Variants in B3GNT3 observed in about 807,000 individuals in gnomAD.
The protein encoded by B3GNT3 is N-acetyllactosaminide beta-1,3-N-acetylglucosaminyltransferase 3.
B3GNT3 carries 7 observed loss-of-function variants against 11.6 expected under a neutral mutation model. The observed-to-expected ratio is 0.60, with a 90% CI of 0.34 to 1.13. The LOEUF is 1.13. Ranked by LOEUF, B3GNT3 falls within the 50% of genes most tolerant of loss-of-function variation. B3GNT3 has a pLI of 0.03. For missense variants in B3GNT3, 400 were observed against 507.4 expected (o/e 0.79, Z 2.03); for synonymous variants, 201 against 222.1 (o/e 0.90, Z 0.85).
intron 1 of B3GNT3, among the ~76,000 whole-genome samples, chr19:17,805,106 AT>A (rs60752281): frequency 0.047 from 6,239 of 131,900 alleles, 408 homozygotes; most frequent in African/African-American, 0.16. Context: ...GACCACAGGG[AT>A]TTTTTTTTTT....
intron 1 of B3GNT3, among the ~76,000 whole-genome samples, chr19:17,796,745 C>T (rs1180852978): frequency 6.6e-6 from 1 of 152,138 alleles, no homozygotes; most frequent in Admixed American, 6.6e-5. Flanking sequence ...TGTGGGAGAA[C>T]CAAAAGGGGG....
intron 1 of B3GNT3, among the ~76,000 whole-genome samples, chr19:17,801,799 T>TG (rs1398400150): frequency 6.6e-6 from 1 of 152,012 alleles, no homozygotes; most frequent in Non-Finnish European, 1.5e-5. Context: ...TTAAAAAAAT[T>TG]TTTTTTGGCT....
intron 1 of B3GNT3, among the ~76,000 whole-genome samples, chr19:17,806,797 C>A (rs1460187864): frequency 6.6e-6 from 1 of 151,896 alleles, no homozygotes; most frequent in East Asian, 1.9e-4. Flanking sequence ...CCTAAAAATA[C>A]AAAAATTAAC....
intron 1 of B3GNT3, among the ~76,000 whole-genome samples, chr19:17,806,017 GA>G (rs2094172588): frequency 6.6e-6 from 1 of 152,210 alleles, no homozygotes; most frequent in African/African-American, 2.4e-5. Context: ...ATCCAGGCTG[GA>G]GTGCAATGGT....
chr19:17,806,820 C>T (rs968069009), intron 1 of B3GNT3, among the ~76,000 whole-genome samples: 10 of 151,780 alleles, frequency 6.6e-5, no homozygotes, highest in Admixed American at 1.3e-4. Flanking sequence ...GGCGTGGTGG[C>T]GCGTGCCTGT....
At chr19:17,795,938 G>T (rs1000182016) in intron 1 of B3GNT3, among the ~76,000 whole-genome samples, 5 of 152,122 alleles carry the variant, frequency 3.3e-5, no homozygotes, top group Non-Finnish European at 1.5e-5. Flanking sequence ...GAGTTGAGTG[G>T]ATAGGAGCTG....
At position 17,811,359 on chromosome 19, in the gene B3GNT3, C is replaced by A. The variant is rs2094180421; in HGVS notation, c.568-212C>A. Among the ~76,000 whole-genome samples, 1 of 152,216 alleles carries A rather than the reference C, an allele frequency of 6.6e-6. No individual in the cohort carries two copies. The highest frequency in any genetic ancestry group is 2.4e-5 in the African/African-American group (1 of 41,454). ...AGCATGGTCTCCATGGATTCCCCAACACTCCTAGAGGCACATGATAAGGCC... is the reference window on the plus strand; with the variant it reads ...AGCATGGTCTCCATGGATTCCCCAAAACTCCTAGAGGCACATGATAAGGCC... On this transcript the variant is annotated intron_variant, in intron 2 of 2. Coordinates refer to ENST00000318683, the MANE Select transcript of B3GNT3 (RefSeq NM_014256.4). The surrounding 1 kb of genome is among the most constrained non-coding windows in gnomAD (Gnocchi z 4.1).
At chr19:17,810,059 C>T (rs1156316767) in intron 2 of B3GNT3, among the ~76,000 whole-genome samples, 1 of 152,138 alleles carries the variant, frequency 6.6e-6, no homozygotes, top group Non-Finnish European at 1.5e-5. Context: ...CCTAAGGGTG[C>T]ATTCAGGATT....
At position 17,811,302 on chromosome 19, in the gene B3GNT3, A is replaced by G. The variant is rs2094180358; in HGVS notation, c.568-269A>G. 6.6e-6 allele frequency among the ~76,000 whole-genome samples: 1 copy of G among 152,208 alleles called. No homozygotes were observed. Among genetic ancestry groups the G allele is most frequent in the Non-Finnish European group, 1.5e-5 (1 of 68,044 alleles). ...AGGAATAGCAATACATGTAAATGTA[A>G]CAATTTTCCAGCATTTCTTGGTGCT... On this transcript the variant is annotated intron_variant, in intron 2 of 2. Coordinates refer to ENST00000318683, the MANE Select transcript of B3GNT3 (RefSeq NM_014256.4). This position sits in a 1 kb window ranked among gnomAD's most constrained non-coding sequence, Gnocchi z 4.1.
intron 1 of B3GNT3, among the ~76,000 whole-genome samples, chr19:17,803,871 AT>A (rs771767228): frequency 2.3e-4 from 34 of 147,994 alleles, no homozygotes; most frequent in African/African-American, 7.9e-4. Flanking sequence ...AAAAAAAAAA[AT>A]TTTTAATTAG....
At chr19:17,797,848 G>A (rs2094161237) in intron 1 of B3GNT3, among the ~76,000 whole-genome samples, 1 of 152,100 alleles carries the variant, frequency 6.6e-6, no homozygotes, top group Non-Finnish European at 1.5e-5. Flanking sequence ...TTCCCCTTCT[G>A]TTTGCAAAAG....
chr19:17,802,685 G>A (rs1290075378), intron 1 of B3GNT3, among the ~76,000 whole-genome samples: 1 of 151,942 alleles, frequency 6.6e-6, no homozygotes, highest in African/African-American at 2.4e-5. Context: ...GCTGAGCTTG[G>A]GTGGTTTTTG....
Position 17,811,894 on chromosome 19 carries a change from T to A in B3GNT3, c.891T>A (p.Asp297Glu). Residue 297 changes from aspartate (D) to glutamate (E), a missense_variant, in exon 3 of 3, where the codon GAT becomes GAA. Transcript: ENST00000318683. This position sits in a 1 kb window ranked among gnomAD's most constrained non-coding sequence, Gnocchi z 4.1. ...AHVLDIFPID[D>E]VFLGMCLELE... ...TCTTGGACATCTTCCCCATTGATGA[T>A]GTCTTCCTGGGTATGTGTCTGGAGC... 3 of 1,614,054 alleles carry A rather than the reference T, an allele frequency of 1.9e-6. No homozygotes were observed. Among genetic ancestry groups the A allele is most frequent in the Non-Finnish European group, 2.5e-6 (3 of 1,180,040 alleles).
At chr19:17,795,645 G>T (rs951966510) in intron 1 of B3GNT3, among the ~76,000 whole-genome samples, 3 of 152,186 alleles carry the variant, frequency 2.0e-5, no homozygotes, top group African/African-American at 7.2e-5. Context: ...CTCTCCCTGC[G>T]GTTCCGGTGC....
chr19:17,810,216 C>T (rs1023274090), intron 2 of B3GNT3, among the ~76,000 whole-genome samples: 2 of 152,076 alleles, frequency 1.3e-5, no homozygotes, highest in African/African-American at 2.4e-5. Flanking sequence ...AGTGGCTAGG[C>T]ACAGTGGCTC....
intron 1 of B3GNT3, among the ~76,000 whole-genome samples, chr19:17,801,254 G>A (rs2094165848): frequency 6.6e-6 from 1 of 151,792 alleles, no homozygotes; most frequent in Non-Finnish European, 1.5e-5. Flanking sequence ...GTACTGTGGC[G>A]AGATCATGGC....
chr19:17,812,033 C>T lies in B3GNT3; in HGVS notation c.1030C>T (p.His344Tyr), dbSNP rs1568393445. Residue 344 changes from histidine (H) to tyrosine (Y), a missense_variant, in exon 3 of 3, where the codon CAC (histidine) becomes TAC (tyrosine). Transcript: ENST00000318683. ...CTTCTACCGAGACCTGCTGCTGGTG[C>T]ACCGCTTCCTACCTTATGAGATGCT... Reference protein sequence around the residue: ...PCFYRDLLLVHRFLPYEMLLM... With the variant: ...PCFYRDLLLVYRFLPYEMLLM... 6.3e-7 allele frequency: 1 copy of T among 1,599,712 alleles called. No homozygotes were observed. The highest frequency in any genetic ancestry group is 8.5e-7 in the Non-Finnish European group (1 of 1,179,940).
Position 17,811,798 on chromosome 19 carries a change from A to T in B3GNT3, c.795A>T (p.Pro265=). 6.2e-7 allele frequency: 1 copy of T among 1,614,008 alleles called. No homozygotes were observed. The highest frequency in any genetic ancestry group is 8.5e-7 in the Non-Finnish European group (1 of 1,179,976). The change falls in exon 3 of 3, where the codon CCA becomes CCT. Residue 265 remains proline (P), a synonymous_variant. Coordinates refer to ENST00000318683, the MANE Select transcript of B3GNT3 (RefSeq NM_014256.4). The surrounding 1 kb of genome is among the most constrained non-coding windows in gnomAD (Gnocchi z 4.1). ...TGGTGACTCAGAATGAGCGGTACCC[A>T]CCCTATTGTGGGGGTGGTGGCTTCT... The part of the protein sequence containing the change: ...PEVVTQNERY[P]PYCGGGGFLL...
chr19:17,806,124 T>C (rs1346425401), intron 1 of B3GNT3, among the ~76,000 whole-genome samples: 2 of 151,798 alleles, frequency 1.3e-5, no homozygotes, highest in East Asian at 1.9e-4. Context: ...CCCATCACCA[T>C]GCCTGGCTAA....
Sources: gnomAD v4.1 joint callset for allele counts (sites outside exome capture counted in the v4.1 genomes callset) on GRCh38, gnomAD v4.1.1 for gene constraint, Gnocchi (gnomAD v3.1) non-coding constraint, MANE v1.5 for transcripts, NCBI Gene and HGNC (gene_info 2026-07-23, HGNC 2026-07-21) for gene names.